The following CDH17 variants were observed in gnomAD, a reference collection of about 807,000 sequenced individuals.
The protein encoded by CDH17 is cadherin 17.
Under a neutral mutation model 86.3 loss-of-function variants are expected in CDH17, and 67 were observed. The ratio of observed to expected loss-of-function variants is 0.78; its 90% CI spans 0.64 to 0.95. CDH17 has a LOEUF of 0.95. Among genes scored for constraint, CDH17 ranks in the 40% least tolerant of loss-of-function variants. The probability of loss-of-function intolerance (pLI) is 0.00; values close to 1 mark genes in which losing one functional copy is unlikely to be tolerated. For missense variants in CDH17, 993 were observed against 1,017.6 expected, an observed-to-expected ratio of 0.98 and a Z score of 0.33; for synonymous variants, 367 against 366.4, an observed-to-expected ratio of 1.00 and a Z score of -0.02.
intron 7 of CDH17, among the ~76,000 whole-genome samples, chr8:94,171,694 A>G (rs963865934): frequency 5.3e-5 from 8 of 152,166 alleles, no homozygotes; most frequent in Non-Finnish European, 1.2e-4. Flanking sequence ...TTTAATCTCC[A>G]AACAGTCCTC....
At chr8:94,190,870 C>A (rs1163234522) in intron 2 of CDH17, among the ~76,000 whole-genome samples, 1 of 152,188 alleles carries the variant, frequency 6.6e-6, no homozygotes, top group African/African-American at 2.4e-5. Context: ...GGAACCTTGA[C>A]TAAGTTGGAT....
At chr8:94,134,955 A>G (rs1191455004) in intron 15 of CDH17, among the ~76,000 whole-genome samples, 2 of 152,100 alleles carry the variant, frequency 1.3e-5, no homozygotes, top group African/African-American at 4.8e-5. Flanking sequence ...TTCAGTTTCC[A>G]TGTAGTTGTG....
chr8:94,160,054 G>A lies in CDH17; in HGVS notation c.1468C>T (p.His490Tyr). 1 of 1,613,764 alleles carries A rather than the reference G, an allele frequency of 6.2e-7. No individual in the cohort carries two copies. ...PFTGSSKILY[H>Y]IIKGDSEGRL... ...CCCTCACTGTCTCCCTTTATGATAT[G>A]ATACAGAATTTTAGAACTCCCAGTA... The change falls in exon 12 of 18, where the codon CAT (histidine) becomes TAT (tyrosine). Residue 490 changes from histidine (H) to tyrosine (Y), a missense_variant. Transcript: ENST00000027335.
chr8:94,133,126 C>G (rs1323726705), intron 15 of CDH17, among the ~76,000 whole-genome samples: 2 of 152,138 alleles, frequency 1.3e-5, no homozygotes, highest in African/African-American at 4.8e-5. Flanking sequence ...GTTCTTTTTG[C>G]TTAGGATTGT....
upstream of CDH17, among the ~76,000 whole-genome samples, chr8:94,210,404 C>T (rs1814105267): frequency 1.3e-5 from 2 of 152,114 alleles, no homozygotes; most frequent in Admixed American, 1.3e-4. Context: ...AATGCCTAAA[C>T]CACCCATCAG....
Position 94,165,989 on chromosome 8 carries a change from AAAG to A in CDH17, c.1067-16_1067-14del. On this transcript the variant is annotated splice_polypyrimidine_tract_variant and intron_variant, in intron 9 of 17. Transcript: ENST00000027335. Reference sequence around the variant, plus strand: ...CCGATACTGTTACCTATGAGGAAGGAAAGAAGGAAAACCCACCATTACAGGCTC... The same window carrying A: ...CCGATACTGTTACCTATGAGGAAGGAAAGGAAAACCCACCATTACAGGCTC... The A allele has an allele frequency of 6.4e-7, 1 of 1,550,826 alleles. No individual in the cohort carries two copies. The highest frequency in any genetic ancestry group is 8.9e-7 in the Non-Finnish European group (1 of 1,123,214).
At position 94,148,849 on chromosome 8, in the gene CDH17, C is replaced by G. The variant is rs1241658437; in HGVS notation, c.1822G>C (p.Gly608Arg). The stretch of plus-strand genomic sequence containing the variant: ...GTCACGTGGTCAATTTTAAGCCAAC[C>G]TCTTGTGTCTCCCCTCAGTGAATAG... ...ISYSLRGDTR[G>R]WLKIDHVTGE... The change falls in exon 14 of 18, where the codon GGT becomes CGT. Residue 608 changes from glycine to arginine, a missense_variant. Gly to Arg is a moderately radical substitution (Grantham distance 125, BLOSUM62 -2). Transcript: ENST00000027335. The G allele has an allele frequency of 1.2e-6, 2 of 1,610,472 alleles. No homozygotes were observed. The highest frequency in any genetic ancestry group is 1.3e-5 in the African/African-American group (1 of 74,450).
At chr8:94,200,534 TTTG>T (rs774568326) in intron 1 of CDH17, among the ~76,000 whole-genome samples, 5,455 of 94,456 alleles carry the variant, frequency 0.058, 422 homozygotes, top group African/African-American at 0.12. Context: ...ATTATTATCT[TTTG>T]TTTTTTTTTT....
chr8:94,136,026 G>GTA (rs1292046641), intron 15 of CDH17, among the ~76,000 whole-genome samples: 2 of 152,208 alleles, frequency 1.3e-5, no homozygotes, highest in Non-Finnish European at 2.9e-5. Flanking sequence ...GAGATCCACT[G>GTA]TTAGTCTGAT....
intron 1 of CDH17, among the ~76,000 whole-genome samples, chr8:94,199,081 ATATT>A (rs869066119): frequency 4.6e-3 from 45 of 9,810 alleles, no homozygotes; most frequent in South Asian, 0.01. Context: ...ATATATATAT[ATATT>A]TTTTTTTTTT....
chr8:94,209,955 CATTT>C (rs1814094696), upstream of CDH17, among the ~76,000 whole-genome samples: 1 of 150,774 alleles, frequency 6.6e-6, no homozygotes, highest in Non-Finnish European at 1.5e-5. Context: ...GCATATGTAT[CATTT>C]ATAGTCATTG....
At chr8:94,155,391 C>G (rs1457271865) in intron 12 of CDH17, among the ~76,000 whole-genome samples, 1 of 151,926 alleles carries the variant, frequency 6.6e-6, no homozygotes, top group Non-Finnish European at 1.5e-5. Context: ...CCAGAATGAG[C>G]CTGTGATGGG....
chr8:94,174,077 C>T lies in CDH17; in HGVS notation c.583+25G>A, dbSNP rs765433271. The T allele has an allele frequency of 7.4e-6, 12 of 1,612,168 alleles. No homozygotes were observed. The South Asian group carries it at 1.1e-4, about 15-fold the overall frequency. On this transcript the variant is annotated intron_variant, in intron 6 of 17. Coordinates refer to ENST00000027335, the MANE Select transcript of CDH17 (RefSeq NM_004063.4). Reference sequence around the variant, plus strand: ...ACTCCCTTTTTCTGATCGAGACAGTCCTACCAGGGCACCCCTGAACTTACC... The same window carrying T: ...ACTCCCTTTTTCTGATCGAGACAGTTCTACCAGGGCACCCCTGAACTTACC...
upstream of CDH17, among the ~76,000 whole-genome samples, chr8:94,211,468 C>T (rs895991718): frequency 2.6e-4 from 40 of 152,116 alleles, no homozygotes; most frequent in African/African-American, 9.4e-4. Context: ...CCCACCACCA[C>T]ACCCGGCTAA....
intron 10 of CDH17, among the ~76,000 whole-genome samples, chr8:94,163,653 G>T (rs927529690): frequency 1.3e-5 from 2 of 152,234 alleles, no homozygotes; most frequent in African/African-American, 4.8e-5. Context: ...TCTTTGAGGG[G>T]AGTCTCCACT....
chr8:94,210,092 G>T (rs557825370), upstream of CDH17, among the ~76,000 whole-genome samples: 1 of 151,884 alleles, frequency 6.6e-6, no homozygotes, highest in East Asian at 1.9e-4. Flanking sequence ...ACACAGAGAG[G>T]TTTTATTTCT....
At chr8:94,188,535 A>T (rs1443536199) in intron 3 of CDH17, among the ~76,000 whole-genome samples, 1 of 152,044 alleles carries the variant, frequency 6.6e-6, no homozygotes, top group African/African-American at 2.4e-5. Flanking sequence ...TTCTCAGGGG[A>T]TGTCTGGTAA....
chr8:94,186,176 C>T (rs904803878), intron 3 of CDH17, among the ~76,000 whole-genome samples: 2 of 152,174 alleles, frequency 1.3e-5, no homozygotes, highest in African/African-American at 4.8e-5. Context: ...ACCTCTCCAC[C>T]TGGCTGCCCC....
chr8:94,160,104 T>A lies in CDH17; in HGVS notation c.1418A>T (p.Gln473Leu). ...TNIGSTILTI[Q>L]ATDADEPFTG... ...AAATGGCTCATCAGCATCAGTGGCC[T>A]GGATGGTTAAGATGGTGGACCCAAT... Residue 473 changes from glutamine to leucine, a missense_variant, in exon 12 of 18, where the codon CAG becomes CTG. By Grantham distance (113) the Gln-to-Leu change is moderately radical (BLOSUM62 -2). Coordinates refer to ENST00000027335, the MANE Select transcript of CDH17 (RefSeq NM_004063.4). 1 of 1,613,808 alleles carries A rather than the reference T, an allele frequency of 6.2e-7. No homozygotes were observed. The highest frequency in any genetic ancestry group is 8.5e-7 in the Non-Finnish European group (1 of 1,179,816).
Sources: gnomAD v4.1 joint callset for allele counts (sites outside exome capture counted in the v4.1 genomes callset) on GRCh38, gnomAD v4.1.1 for gene constraint, MANE v1.5 for transcripts, NCBI Gene and HGNC (gene_info 2026-07-23, HGNC 2026-07-21) for gene names.